CYP2C19: variants seen among roughly 807,000 people sequenced by gnomAD.
CYP2C19 encodes cytochrome P450 family 2 subfamily C member 19, also known as cytochrome P450 2C19.
A neutral mutation model predicts 40.9 loss-of-function variants in CYP2C19; 59 were observed. The observed-to-expected ratio is 1.44, with a 90% CI of 1.17 to 1.79. The LOEUF (loss-of-function observed/expected upper bound fraction) is 1.79. CYP2C19 is among the 40% of genes most tolerant of loss of function. The pLI is 0.00. For synonymous variants in CYP2C19, 253 were observed against 208.7 expected, an observed-to-expected ratio of 1.21 and a Z score of -1.83; for missense variants, 754 against 596.9, an observed-to-expected ratio of 1.26 and a Z score of -2.74.
intron 5 of CYP2C19, among the ~76,000 whole-genome samples, chr10:94,799,043 T>A (rs1848728703): frequency 6.6e-6 from 1 of 151,992 alleles, no homozygotes. Flanking sequence ...GATCCTGTCA[T>A]TGTGAAGTAG....
chr10:94,830,318 G>A (rs1211225943), intron 6 of CYP2C19, among the ~76,000 whole-genome samples: 8 of 152,198 alleles, frequency 5.3e-5, no homozygotes, highest in Admixed American at 1.3e-4. Context: ...CTCCGTGGGC[G>A]TAGGACCCTC....
In CYP2C19 at chr10:94,812,513, A is replaced by G. The variant is rs534741289; in HGVS notation, c.820-7983A>G. Among the ~76,000 whole-genome samples, 26 of 152,292 alleles carry G rather than the reference A, an allele frequency of 1.7e-4. No homozygotes were observed. The East Asian group carries it at 2.1e-3, about 12-fold the overall frequency. On this transcript the variant is annotated intron_variant, in intron 5 of 8. Coordinates refer to ENST00000371321, the MANE Select transcript of CYP2C19 (RefSeq NM_000769.4). Reference sequence around the variant, plus strand: ...CTCCCCATCACTTTCAGGTACACCAATCAAACGTAGATTTGGTCTTTTCAC... The same window carrying G: ...CTCCCCATCACTTTCAGGTACACCAGTCAAACGTAGATTTGGTCTTTTCAC...
chr10:94,849,741 G>A (rs1849623975), intron 7 of CYP2C19, among the ~76,000 whole-genome samples, 176 bp from the exon 8 acceptor site: 1 of 148,376 alleles, frequency 6.7e-6, no homozygotes, highest in Admixed American at 7.0e-5. Flanking sequence ...TATTGTCACT[G>A]GCCTTAAGCT....
chr10:94,847,915 G>C (rs951415064), intron 7 of CYP2C19, among the ~76,000 whole-genome samples: 1 of 152,248 alleles, frequency 6.6e-6, no homozygotes, highest in East Asian at 1.9e-4. Flanking sequence ...CCCACTTTTT[G>C]ATGCGGTTGT....
intron 7 of CYP2C19, among the ~76,000 whole-genome samples, chr10:94,845,974 T>C (rs1164198128): frequency 6.6e-6 from 1 of 152,144 alleles, no homozygotes; most frequent in Non-Finnish European, 1.5e-5. Context: ...AATACTGCAG[T>C]ATATGTAGCC....
Position 94,775,374 on chromosome 10 carries a change from T to C in CYP2C19, c.332-16T>C. 1 of 1,613,710 alleles carries C rather than the reference T, an allele frequency of 6.2e-7. No individual in the cohort carries two copies. The highest frequency in any genetic ancestry group is 8.5e-7 in the Non-Finnish European group (1 of 1,180,012). The stretch of plus-strand genomic sequence containing the variant: ...GCCTGGGATCTCCCTCCTAGTTTCG[T>C]TTCTCTTCCTGTTAGGAATCGTTTT... On this transcript the variant is annotated splice_polypyrimidine_tract_variant and intron_variant, in intron 2 of 8. Coordinates refer to ENST00000371321, the MANE Select transcript of CYP2C19 (RefSeq NM_000769.4).
At chr10:94,848,641 G>A (rs1188921153) in intron 7 of CYP2C19, among the ~76,000 whole-genome samples, 1 of 152,122 alleles carries the variant, frequency 6.6e-6, no homozygotes, top group East Asian at 1.9e-4. Flanking sequence ...GATGGGGATG[G>A]CATTGAATCT....
chr10:94,817,993 A>G (rs1451079771), intron 5 of CYP2C19, among the ~76,000 whole-genome samples: 3 of 136,398 alleles, frequency 2.2e-5, no homozygotes, highest in African/African-American at 8.5e-5. Context: ...AGCCTGGGCG[A>G]CAGAGTGAGA....
chr10:94,835,019 C>T (rs1274260215), intron 6 of CYP2C19, among the ~76,000 whole-genome samples: 1 of 152,138 alleles, frequency 6.6e-6, no homozygotes, highest in Non-Finnish European at 1.5e-5. Context: ...GGAGAGGTGC[C>T]TTCAATGTCA....
chr10:94,822,083 C>T (rs550672115), intron 6 of CYP2C19, among the ~76,000 whole-genome samples: 5 of 152,166 alleles, frequency 3.3e-5, no homozygotes, highest in Admixed American at 1.3e-4. Context: ...AGGATAATGG[C>T]CTCCTGCTTC....
At chr10:94,834,328 G>A (rs375777414) in intron 6 of CYP2C19, among the ~76,000 whole-genome samples, 205 of 152,072 alleles carry the variant, frequency 1.3e-3, no homozygotes, top group African/African-American at 4.2e-3. Flanking sequence ...TTGAATTTCT[G>A]CAGTATCAGT....
chr10:94,845,099 T>C (rs1049521494), intron 7 of CYP2C19, among the ~76,000 whole-genome samples: 1 of 152,268 alleles, frequency 6.6e-6, no homozygotes, highest in South Asian at 2.1e-4. Flanking sequence ...CTACCCTCTT[T>C]ACAAATCAGG....
intron 6 of CYP2C19, among the ~76,000 whole-genome samples, chr10:94,837,056 T>C (rs1051374894): frequency 6.6e-6 from 1 of 152,074 alleles, no homozygotes; most frequent in Non-Finnish European, 1.5e-5. Flanking sequence ...GAAAAAGTCA[T>C]CCTTAAGGTC....
intron 8 of CYP2C19, 48 bp from the exon 9 acceptor site, chr10:94,852,685 C>G: frequency 6.3e-7 from 1 of 1,583,244 alleles, no homozygotes; most frequent in Non-Finnish European, 8.7e-7. Flanking sequence ...TTGTCACTCT[C>G]ACAGTTACAC....
intron 5 of CYP2C19, among the ~76,000 whole-genome samples, chr10:94,818,006 C>T (rs1849037726): frequency 1.0e-5 from 1 of 95,800 alleles, no homozygotes. Flanking sequence ...GAGTGAGACT[C>T]CATCTCAAAA....
intron 6 of CYP2C19, among the ~76,000 whole-genome samples, chr10:94,834,541 T>A (rs1181579257): frequency 6.6e-6 from 1 of 151,766 alleles, no homozygotes; most frequent in Non-Finnish European, 1.5e-5. Flanking sequence ...CTAATTTTGG[T>A]TTTCTTTCTT....
intron 7 of CYP2C19, among the ~76,000 whole-genome samples, chr10:94,848,420 C>T (rs896741862): frequency 6.6e-6 from 1 of 152,132 alleles, no homozygotes. Flanking sequence ...TGGCTCTGTT[C>T]TGTTCCATTG....
At chr10:94,828,147 G>C (rs1251263726) in intron 6 of CYP2C19, among the ~76,000 whole-genome samples, 1 of 152,104 alleles carries the variant, frequency 6.6e-6, no homozygotes, top group Non-Finnish European at 1.5e-5. Flanking sequence ...CTGTTGATTT[G>C]GGGTGGAGAG....
At chr10:94,777,001 C>T (rs1371733886) in intron 3 of CYP2C19, among the ~76,000 whole-genome samples, 1 of 152,006 alleles carries the variant, frequency 6.6e-6, no homozygotes, top group Non-Finnish European at 1.5e-5. Context: ...TTCCTATACA[C>T]CAATAATAGA....
Sources: allele counts gnomAD v4.1 joint callset (sites outside exome capture counted in the v4.1 genomes callset), GRCh38; gene constraint gnomAD v4.1.1; transcripts MANE v1.5; gene names NCBI Gene and HGNC (gene_info 2026-07-23, HGNC 2026-07-21).